Variants in RUNX1 observed in about 807,000 individuals in gnomAD.
RUNX1 encodes runt-related transcription factor 1.
RUNX1 carries 19 observed loss-of-function variants against 42.8 expected under a neutral mutation model. The ratio of observed to expected loss-of-function variants is 0.44; its 90% CI spans 0.31 to 0.65. The LOEUF is 0.65. RUNX1 is among the 30% of genes least tolerant of loss of function. The pLI, the probability that RUNX1 is intolerant of heterozygous loss-of-function variation, is 0.07. For missense variants in RUNX1, 528 were observed against 672.0 expected (o/e 0.79, Z 2.37); for synonymous variants, 271 against 289.4 (o/e 0.94, Z 0.64).
intron 6 of RUNX1, among the ~76,000 whole-genome samples, chr21:34,837,331 C>T (rs1466643863): frequency 6.6e-6 from 1 of 152,096 alleles, no homozygotes; most frequent in Non-Finnish European, 1.5e-5. Flanking sequence ...GACCCTCAGG[C>T]TCACAATGGT....
At chr21:34,848,170 C>G (rs972050740) in intron 6 of RUNX1, among the ~76,000 whole-genome samples, 1 of 152,216 alleles carries the variant, frequency 6.6e-6, no homozygotes, top group Non-Finnish European at 1.5e-5. Flanking sequence ...ATATCATACT[C>G]CTGGTTTTAT....
At chr21:34,811,558 G>A (rs2056759244) in intron 7 of RUNX1, among the ~76,000 whole-genome samples, 2 of 152,162 alleles carry the variant, frequency 1.3e-5, no homozygotes, top group Non-Finnish European at 2.9e-5. Context: ...TTCCCTGGCT[G>A]CCCCTTCACC....
At chr21:35,032,891 C>T (rs1309670536) in intron 2 of RUNX1, among the ~76,000 whole-genome samples, 1 of 152,206 alleles carries the variant, frequency 6.6e-6, no homozygotes, top group Non-Finnish European at 1.5e-5. Context: ...CTTCTGCTTA[C>T]ATCCACTGAT....
chr21:34,932,183 T>C (rs1015888081), intron 2 of RUNX1, among the ~76,000 whole-genome samples: 27 of 152,326 alleles, frequency 1.8e-4, no homozygotes, highest in African/African-American at 6.5e-4. Context: ...GTATTCTTTT[T>C]ATCTGTTTTC....
At chr21:34,865,283 T>C (rs966082331) in intron 5 of RUNX1, among the ~76,000 whole-genome samples, 108 of 59,524 alleles carry the variant, frequency 1.8e-3, no homozygotes, top group East Asian at 6.2e-3. Flanking sequence ...TTTGTGCGTG[T>C]GTGTGTGTGT....
chr21:34,810,434 A>G (rs941526523), intron 7 of RUNX1, among the ~76,000 whole-genome samples: 5 of 152,218 alleles, frequency 3.3e-5, no homozygotes, highest in African/African-American at 7.2e-5. Flanking sequence ...ATAAACATGA[A>G]ATATGGCTTA....
chr21:34,984,329 G>A (rs1264544865), intron 2 of RUNX1, among the ~76,000 whole-genome samples: 1 of 152,188 alleles, frequency 6.6e-6, no homozygotes, highest in Non-Finnish European at 1.5e-5. Context: ...AAGTGGCCTA[G>A]ACTATAAGCC....
At chr21:35,040,682 G>C (rs2059350831) in intron 2 of RUNX1, among the ~76,000 whole-genome samples, 2 of 148,188 alleles carry the variant, frequency 1.3e-5, no homozygotes, top group African/African-American at 4.9e-5. Flanking sequence ...TGAGGCAGGA[G>C]AATGGCTGAA....
intron 8 of RUNX1, among the ~76,000 whole-genome samples, chr21:34,797,764 T>G (rs2056550488): frequency 6.6e-6 from 1 of 152,180 alleles, no homozygotes; most frequent in South Asian, 2.1e-4. Context: ...AACCAAGCAC[T>G]TAAGTTGGTT....
At chr21:34,811,130 C>G (rs1001698255) in intron 7 of RUNX1, among the ~76,000 whole-genome samples, 1 of 152,228 alleles carries the variant, frequency 6.6e-6, no homozygotes, top group East Asian at 1.9e-4. Context: ...ATTCACTGCT[C>G]TTTGTCTTGT....
At chr21:34,935,138 T>C (rs1430447429) in intron 2 of RUNX1, among the ~76,000 whole-genome samples, 1 of 152,198 alleles carries the variant, frequency 6.6e-6, no homozygotes, top group Non-Finnish European at 1.5e-5. Context: ...TACACTTCTA[T>C]AATGAAAATA....
chr21:34,991,711 G>A (rs1407840218), intron 2 of RUNX1, among the ~76,000 whole-genome samples: 1 of 152,230 alleles, frequency 6.6e-6, no homozygotes, highest in Non-Finnish European at 1.5e-5. Flanking sequence ...TCTGAACTGG[G>A]TTGTGTAGTG....
intron 2 of RUNX1, among the ~76,000 whole-genome samples, chr21:34,990,634 G>A (rs2058929901): frequency 2.0e-5 from 3 of 150,794 alleles, no homozygotes; most frequent in African/African-American, 7.4e-5. Context: ...ATAATGTTGG[G>A]ATATGAGGAA....
rs147251510 is a variant in RUNX1 at position 34,823,193 on chromosome 21, G to C, written c.805+11217C>G. 2.0e-3 allele frequency among the ~76,000 whole-genome samples: 305 copies of C among 152,342 alleles called. 1 individual carries two copies. The highest frequency in any genetic ancestry group is 0.017 in the Middle Eastern group (5 of 294). On this transcript the variant is annotated intron_variant, in intron 7 of 8. Transcript: ENST00000675419. Reference sequence around the variant, plus strand: ...TTAGCGCTGACTCAGCGAGGGCCTTGAGGCTTGACTCACAGATCTTCCCTA... The same window carrying C: ...TTAGCGCTGACTCAGCGAGGGCCTTCAGGCTTGACTCACAGATCTTCCCTA...
chr21:35,011,376 A>C (rs1268986754), intron 2 of RUNX1, among the ~76,000 whole-genome samples: 1 of 152,188 alleles, frequency 6.6e-6, no homozygotes, highest in African/African-American at 2.4e-5. Context: ...GCAGTGAGAC[A>C]GCCACTACTA....
chr21:35,049,136 C>A (rs773955155), intron 1 of RUNX1, 32 bp downstream of exon 1: 1 of 510,116 alleles, frequency 2.0e-6, no homozygotes, highest in East Asian at 3.4e-5. Flanking sequence ...AAAAAGCCAG[C>A]GCCGCCTTGG....
chr21:35,047,559 A>ACTCTCT (rs1271931704), intron 2 of RUNX1, among the ~76,000 whole-genome samples: 95 of 64,308 alleles, frequency 1.5e-3, no homozygotes, highest in African/African-American at 6.9e-3. Flanking sequence ...ACACACACAC[A>ACTCTCT]CACTCTCTCT....
intron 5 of RUNX1, among the ~76,000 whole-genome samples, chr21:34,879,375 G>GA: frequency 6.6e-6 from 1 of 152,122 alleles, no homozygotes; most frequent in African/African-American, 2.4e-5. Context: ...CTCCAGCTAT[G>GA]ATTCTATTAT....
In RUNX1 at chr21:34,889,869, C is replaced by T; in HGVS notation, c.98-2773G>A. 13 of 1,079,848 alleles carry T rather than the reference C, an allele frequency of 1.2e-5. No homozygotes were observed. The South Asian group carries it at 2.6e-4, about 22-fold the overall frequency. 66.9% of individuals were successfully genotyped at this position (1,079,848 alleles called of 1,614,324 possible). A position where few individuals can be genotyped will look rare whatever the true frequency, so the allele number is the denominator to read the frequency against. ...TCCCTCCACGCCCTCCCTGCCGGGC[C>T]CTGCACCTCCCGGGGCCTCTCATCC... On this transcript the variant is annotated intron_variant, in intron 3 of 8. Transcript: ENST00000675419.
Sources: allele counts gnomAD v4.1 joint callset (sites outside exome capture counted in the v4.1 genomes callset), GRCh38; gene constraint gnomAD v4.1.1; transcripts MANE v1.5; gene names NCBI Gene and HGNC (gene_info 2026-07-23, HGNC 2026-07-21).